VMAC: variants seen among roughly 807,000 people sequenced by gnomAD.
VMAC encodes vimentin type intermediate filament associated coiled-coil protein, also known as vimentin-type intermediate filament-associated coiled-coil protein.
Under a neutral mutation model 4.8 loss-of-function variants are expected in VMAC, and 8 were observed. That is an observed-to-expected ratio of 1.68 (90% CI 0.99 to 3.03). The LOEUF (loss-of-function observed/expected upper bound fraction) is 3.03, where lower values mean the gene tolerates loss of function less well. VMAC is among the 30% of genes most tolerant of loss of function. The pLI is 0.00. For synonymous variants in VMAC, 96 were observed against 113.7 expected (o/e 0.84, Z 0.99); for missense variants, 248 against 245.1 (o/e 1.01, Z -0.08).
chr19:5,906,862 T>A (rs2057680569), intron 1 of VMAC, among the ~76,000 whole-genome samples: 1 of 151,850 alleles, frequency 6.6e-6, no homozygotes, highest in Non-Finnish European at 1.5e-5. Context: ...CTGTCTCTAC[T>A]AAAAATACAA....
intron 1 of VMAC, among the ~76,000 whole-genome samples, chr19:5,906,246 A>T (rs1481217177): frequency 2.0e-5 from 3 of 152,164 alleles, no homozygotes; most frequent in Non-Finnish European, 4.4e-5. Flanking sequence ...CTGGGATTAT[A>T]GGCACGAGCC....
rs1484771425 is a variant in VMAC, at chr19:5,910,571, C to G, written c.*1429C>G. 1 of 151,886 alleles carries G rather than the reference C, an allele frequency of 6.6e-6. No individual in the cohort carries two copies. Among genetic ancestry groups the G allele is most frequent in the Admixed American group, 6.6e-5 (1 of 15,228 alleles). 9.4% of individuals were successfully genotyped at this position (151,886 alleles called of 1,614,324 possible). The stretch of plus-strand genomic sequence containing the variant: ...AATTAGCCGGGCTTGGTGGCGGGTG[C>G]CTGTAATCCCAGCTACTGAACCCGG... On this transcript the variant is annotated 3_prime_UTR_variant, in exon 2 of 2. Transcript: ENST00000339485.
rs923554088 is a variant in VMAC at position 5,904,961 on chromosome 19, C to A, written c.71C>A (p.Ala24Glu). ...AHLAAVHRRA[A>E]ELEARLDAAE... Reference sequence around the variant, plus strand: ...CTGGCAGCCGTGCACCGGCGCGCAGCGGAGCTGGAGGCGCGGCTGGACGCG... The same window carrying A: ...CTGGCAGCCGTGCACCGGCGCGCAGAGGAGCTGGAGGCGCGGCTGGACGCG... Residue 24 changes from alanine to glutamate, a missense_variant, in exon 1 of 2, where the codon GCG becomes GAG. Physicochemically the swap from Ala to Glu is moderately radical, Grantham distance 107 (BLOSUM62 -1). Transcript: ENST00000339485. 1 of 1,478,366 alleles carries A rather than the reference C, an allele frequency of 6.8e-7. No individual in the cohort carries two copies. Among genetic ancestry groups the A allele is most frequent in the African/African-American group, 1.5e-5 (1 of 68,210 alleles). The allele number at this position is 1,478,366 out of a possible 1,614,324, so 91.6% of individuals were successfully genotyped here.
In VMAC at chr19:5,910,675, A is replaced by AC. The variant is rs2057694606; in HGVS notation, c.*1533_*1534insC. On this transcript the variant is annotated 3_prime_UTR_variant, in exon 2 of 2. Coordinates refer to ENST00000339485, the MANE Select transcript of VMAC (RefSeq NM_001017921.4). ...ACAGAGTGAGACTCAGTCTCAAAGAAAACAACAACAACAACAACAACAACA... is the reference window on the plus strand; with the variant it reads ...ACAGAGTGAGACTCAGTCTCAAAGAACAACAACAACAACAACAACAACAACA... 4.1e-5 allele frequency: 6 copies of AC among 147,098 alleles called. No individual in the cohort carries two copies. The highest frequency in any genetic ancestry group is 9.0e-5 in the Non-Finnish European group (6 of 66,758). 9.1% of individuals were successfully genotyped at this position (147,098 alleles called of 1,614,324 possible).
At chr19:5,906,935 G>A (rs1414987192) in intron 1 of VMAC, among the ~76,000 whole-genome samples, 1 of 152,214 alleles carries the variant, frequency 6.6e-6, no homozygotes, top group Non-Finnish European at 1.5e-5. Context: ...GTTGAGGCAC[G>A]AGAATCGCTT....
chr19:5,908,752 G>C lies in VMAC; in HGVS notation c.192-72G>C, dbSNP rs983278747. 6.5e-7 allele frequency: 1 copy of C among 1,533,174 alleles called. No individual in the cohort carries two copies. The highest frequency in any genetic ancestry group is 1.2e-5 in the South Asian group (1 of 84,890). The allele number at this position is 1,533,174 out of a possible 1,614,324, so 95.0% of individuals were successfully genotyped here. On this transcript the variant is annotated intron_variant, in intron 1 of 1. Transcript: ENST00000339485. The surrounding 1 kb of genome is among the most constrained non-coding windows in gnomAD (Gnocchi z 4.5). ...CCAAAGGTGATGGGGAACCTCTTGC[G>C]GGTCCAGAGCAGGGAGGAGCAGGTG... is the stretch of plus-strand genomic sequence containing the variant.
At position 5,909,329 on chromosome 19, in the gene VMAC, G is replaced by GT; in HGVS notation, c.*187_*188insT. ...CAGGTGCAGACGTTTAACCCAGACA[G>GT]AAGTGTTCTTGTTTGTTTTTAAGCT... On this transcript the variant is annotated 3_prime_UTR_variant, in exon 2 of 2. Coordinates refer to ENST00000339485, the MANE Select transcript of VMAC (RefSeq NM_001017921.4). 2 of 579,198 alleles carry GT rather than the reference G, an allele frequency of 3.5e-6. No homozygotes were observed. The highest frequency in any genetic ancestry group is 6.5e-5 in the East Asian group (2 of 30,768). The allele number at this position is 579,198 out of a possible 1,614,324, so 35.9% of individuals were successfully genotyped here. A position where few individuals can be genotyped will look rare whatever the true frequency, so the allele number is the denominator to read the frequency against.
rs57251248 is a variant in VMAC, at chr19:5,910,675, A to AAACAACAACAACAACAAC, written c.*1554_*1571dup. On this transcript the variant is annotated 3_prime_UTR_variant, in exon 2 of 2. Coordinates refer to ENST00000339485, the MANE Select transcript of VMAC (RefSeq NM_001017921.4). ...ACAGAGTGAGACTCAGTCTCAAAGA[A>AAACAACAACAACAACAAC]AACAACAACAACAACAACAACAACA... 4 of 147,212 alleles carry AAACAACAACAACAACAAC rather than the reference A, an allele frequency of 2.7e-5. No individual in the cohort carries two copies. Among genetic ancestry groups the AAACAACAACAACAACAAC allele is most frequent in the African/African-American group, 5.0e-5 (2 of 39,768 alleles). The allele number at this position is 147,212 out of a possible 1,614,324, so 9.1% of individuals were successfully genotyped here. A position where few individuals can be genotyped will look rare whatever the true frequency, so the allele number is the denominator to read the frequency against.
In VMAC at chr19:5,908,940, T is replaced by TGCTGCAGGACATCTGCC. The variant is rs2057688350; in HGVS notation, c.311_327dup (p.Arg110CysfsTer117). Reference sequence around the variant, plus strand: ...AGGCAGTTGCAGCCCCGGGCTGAGCTGCTGCAGGACATCTGCCGCCGCCGG... The same window carrying TGCTGCAGGACATCTGCC: ...AGGCAGTTGCAGCCCCGGGCTGAGCTGCTGCAGGACATCTGCCGCTGCAGGACATCTGCCGCCGCCGG... On this transcript the variant is annotated frameshift_variant, in exon 2 of 2. Coordinates refer to ENST00000339485, the MANE Select transcript of VMAC (RefSeq NM_001017921.4). LOFTEE classifies it low-confidence loss of function (END_TRUNC). This position sits in a 1 kb window ranked among gnomAD's most constrained non-coding sequence, Gnocchi z 4.5. The TGCTGCAGGACATCTGCC allele has an allele frequency of 9.3e-6, 15 of 1,613,536 alleles. No homozygotes were observed. In the African/African-American group the frequency reaches 1.7e-4, roughly 19 times the overall value.
rs2057686899 is a variant in VMAC at position 5,908,572 on chromosome 19, C to T, written c.192-252C>T. ...CGGAAGTTGCAGTGAGCTGAGATTG[C>T]ACCATTGCACTCCAGCCTGGGCGAC... is the stretch of plus-strand genomic sequence containing the variant. On this transcript the variant is annotated intron_variant, in intron 1 of 1. Transcript: ENST00000339485. The surrounding 1 kb of genome is among the most constrained non-coding windows in gnomAD (Gnocchi z 4.5). 6.6e-6 allele frequency among the ~76,000 whole-genome samples: 1 copy of T among 151,222 alleles called. No homozygotes were observed.
intron 1 of VMAC, among the ~76,000 whole-genome samples, chr19:5,907,105 C>T (rs1047912325): frequency 1.3e-5 from 2 of 152,186 alleles, no homozygotes; most frequent in African/African-American, 2.4e-5. Context: ...GGAGGCTGGA[C>T]GTCCGAGAGC....
rs11365263 is a variant in VMAC at position 5,908,615 on chromosome 19, C to CA, written c.192-200dup. 2.2e-3 allele frequency among the ~76,000 whole-genome samples: 324 copies of CA among 149,114 alleles called. 1 individual carries two copies. The highest frequency in any genetic ancestry group is 2.6e-3 in the Non-Finnish European group (177 of 67,436). ...TGGGCGACAGAGCTAGACTTCGTCTCAAAAAAAAATAATAATAAAATAAAA... is the reference window on the plus strand; with the variant it reads ...TGGGCGACAGAGCTAGACTTCGTCTCAAAAAAAAAATAATAATAAAATAAAA... On this transcript the variant is annotated intron_variant, in intron 1 of 1. Coordinates refer to ENST00000339485, the MANE Select transcript of VMAC (RefSeq NM_001017921.4). The surrounding 1 kb of genome is among the most constrained non-coding windows in gnomAD (Gnocchi z 4.5).
At position 5,908,907 on chromosome 19, in the gene VMAC, A is replaced by G; in HGVS notation, c.275A>G (p.Glu92Gly). The change falls in exon 2 of 2, where the codon GAG becomes GGG. Residue 92 changes from glutamate to glycine, a missense_variant. Transcript: ENST00000339485. This position sits in a 1 kb window ranked among gnomAD's most constrained non-coding sequence, Gnocchi z 4.5. ...CAGGCCACCGTGCACCAGAGGGACG[A>G]GCTCATTAGGCAGTTGCAGCCCCGG... ...SLQATVHQRD[E>G]LIRQLQPRAE... is the part of the protein sequence containing the mutation. 6.2e-7 allele frequency: 1 copy of G among 1,613,920 alleles called. No individual in the cohort carries two copies.
Position 5,909,458 on chromosome 19 carries a change from A to G in VMAC, c.*316A>G. On this transcript the variant is annotated 3_prime_UTR_variant, in exon 2 of 2. Transcript: ENST00000339485. ...GCCTGGAGTTCAGGGCACCCTCTTT[A>G]GCCAGGGTGTGAGTTTCTGTTTTTT... 3.2e-6 allele frequency: 1 copy of G among 309,740 alleles called. No individual in the cohort carries two copies. Among genetic ancestry groups the G allele is most frequent in the South Asian group, 5.8e-5 (1 of 17,176 alleles). The allele number at this position is 309,740 out of a possible 1,614,324, so 19.2% of individuals were successfully genotyped here.
In VMAC at chr19:5,908,296, G is replaced by A. The variant is rs777747126; in HGVS notation, c.192-528G>A. Among the ~76,000 whole-genome samples the A allele has an allele frequency of 6.6e-6, 1 of 152,072 alleles. No homozygotes were observed. Among genetic ancestry groups the A allele is most frequent in the Non-Finnish European group, 1.5e-5 (1 of 68,018 alleles). On this transcript the variant is annotated intron_variant, in intron 1 of 1. Transcript: ENST00000339485. The surrounding 1 kb of genome is among the most constrained non-coding windows in gnomAD (Gnocchi z 4.5). ...CAGAGGTTGCACTGAACTCCAGCCT[G>A]GGCAACAGAGCGAGACTGTCTCAGA...
intron 1 of VMAC, 32 bp downstream of exon 1, chr19:5,905,113 C>T (rs2057673591): frequency 3.0e-6 from 4 of 1,334,932 alleles, no homozygotes; most frequent in Admixed American, 4.1e-5. Context: ...GTGGACTTCA[C>T]CGAGGCGGTA....
intron 1 of VMAC, among the ~76,000 whole-genome samples, chr19:5,906,868 T>C (rs2057680584): frequency 6.6e-6 from 1 of 151,724 alleles, no homozygotes. Context: ...CTACTAAAAA[T>C]ACAAAAAAAT....
Position 5,909,047 on chromosome 19 carries a change from C to T in VMAC, c.415C>T (p.Pro139Ser), listed in dbSNP as rs2057689097. The change falls in exon 2 of 2, where the codon CCC becomes TCC. Residue 139 changes from proline (P) to serine (S), a missense_variant. Transcript: ENST00000339485. ...GCCGGCCAGTGACCCCGGCCACCCA[C>T]CCCCCGGTGGGCCTGGTCCACCCCT... ...PLPASDPGHP[P>S]PGGPGPPLDN... 3 of 1,566,856 alleles carry T rather than the reference C, an allele frequency of 1.9e-6. No individual in the cohort carries two copies. Among genetic ancestry groups the T allele is most frequent in the Admixed American group, 1.9e-5 (1 of 52,970 alleles).
intron 1 of VMAC, among the ~76,000 whole-genome samples, chr19:5,905,828 G>A (rs2057676960): frequency 6.6e-6 from 1 of 152,098 alleles, no homozygotes; most frequent in South Asian, 2.1e-4. Context: ...CCAAGCAGCT[G>A]GGACTACAGG....
Sources: allele counts gnomAD v4.1 joint callset (sites outside exome capture counted in the v4.1 genomes callset), GRCh38; gene constraint gnomAD v4.1.1; non-coding constraint Gnocchi (gnomAD v3.1); transcripts MANE v1.5; gene names NCBI Gene and HGNC (gene_info 2026-07-23, HGNC 2026-07-21).